Variants in MMP19 observed in about 807,000 individuals in gnomAD.
MMP19 encodes matrix metallopeptidase 19.
Under a neutral mutation model 46.6 loss-of-function variants are expected in MMP19, and 47 were observed. That is an observed-to-expected ratio of 1.01 (90% CI 0.80 to 1.29). MMP19 has a LOEUF of 1.29. MMP19 is among the 50% of genes most tolerant of loss of function. The pLI, the probability that MMP19 is intolerant of heterozygous loss-of-function variation, is 0.00. For missense variants in MMP19, 589 were observed against 643.5 expected (o/e 0.92, Z 0.92); for synonymous variants, 222 against 248.5 (o/e 0.89, Z 1.00).
intron 8 of MMP19, 39 bp from the exon 9 acceptor site, chr12:55,837,413 G>A (rs71459315): frequency 8.9e-6 from 14 of 1,579,826 alleles, no homozygotes; most frequent in Non-Finnish European, 1.2e-5. Context: ...AGAGGAAGAG[G>A]AGAGAGCTTA....
chr12:55,841,234 G>T lies in MMP19; in HGVS notation c.176C>A (p.Ala59Asp). 6.2e-7 allele frequency: 1 copy of T among 1,612,406 alleles called. No homozygotes were observed. The highest frequency in any genetic ancestry group is 2.2e-5 in the East Asian group (1 of 44,860). ...TGGAAGTTCAGATGCTTCCTGAAAA[G>T]CTCTGAAGGAGGGAGAGGGATGGGT... ...KPEDITEALR[A>D]FQEASELPVS... The change falls in exon 3 of 9, where the codon GCT becomes GAT. Residue 59 changes from alanine (A) to aspartate (D), a missense_variant and splice_region_variant. Ala to Asp is a moderately radical substitution (Grantham distance 126). Coordinates refer to ENST00000322569, the MANE Select transcript of MMP19 (RefSeq NM_002429.6).
At position 55,836,575 on chromosome 12, in the gene MMP19, TA is replaced by T. The variant is rs1881226041; in HGVS notation, c.*460del. ...TGGGGAATCTGAGATTCAACAAGGT[TA>T]ATTAGCTTGCCCGTAATCATAAGCA... On this transcript the variant is annotated 3_prime_UTR_variant, in exon 9 of 9. Coordinates refer to ENST00000322569, the MANE Select transcript of MMP19 (RefSeq NM_002429.6). 1 of 154,546 alleles carries T rather than the reference TA, an allele frequency of 6.5e-6. No homozygotes were observed. The allele number at this position is 154,546 out of a possible 1,614,324, so 9.6% of individuals were successfully genotyped here. A position where few individuals can be genotyped will look rare whatever the true frequency, so the allele number is the denominator to read the frequency against.
In MMP19 at chr12:55,841,220, A is replaced by G; in HGVS notation, c.190T>C (p.Ser64Pro). ...TEALRAFQEASELPVSGQLDD... is the reference protein window; with the variant it reads ...TEALRAFQEAPELPVSGQLDD... Reference sequence around the variant, plus strand: ...AGCTGACCTGAGACTGGAAGTTCAGATGCTTCCTGAAAAGCTCTGAAGGAG... The same window carrying G: ...AGCTGACCTGAGACTGGAAGTTCAGGTGCTTCCTGAAAAGCTCTGAAGGAG... The change falls in exon 3 of 9, where the codon TCT becomes CCT. Residue 64 changes from serine (S) to proline (P), a missense_variant. Ser to Pro is a moderately conservative substitution (Grantham distance 74, BLOSUM62 -1). Coordinates refer to ENST00000322569, the MANE Select transcript of MMP19 (RefSeq NM_002429.6). The G allele has an allele frequency of 6.2e-7, 1 of 1,613,344 alleles. No individual in the cohort carries two copies. The highest frequency in any genetic ancestry group is 1.1e-5 in the South Asian group (1 of 91,078).
chr12:55,837,482 C>A, intron 8 of MMP19, 73 bp downstream of exon 8: 26 of 1,599,502 alleles, frequency 1.6e-5, no homozygotes, highest in Non-Finnish European at 2.1e-5. Flanking sequence ...CCTTCAAGCG[C>A]AAGCTTTGCT....
intron 4 of MMP19, chr12:55,840,073 C>T (rs1452239616): frequency 2.6e-5 from 7 of 269,480 alleles, no homozygotes; most frequent in African/African-American, 1.3e-4. Flanking sequence ...CACCTGTAAT[C>T]CCAACACTTT....
intron 6 of MMP19, 33 bp downstream of exon 6, chr12:55,838,573 G>A (rs376880823): frequency 1.1e-4 from 173 of 1,614,008 alleles, no homozygotes; most frequent in Non-Finnish European, 1.2e-4. Context: ...TGCCCCCACC[G>A]CCTGCCAACA....
Position 55,837,118 on chromosome 12 carries a change from G to T in MMP19, c.1445C>A (p.Ser482Ter). 1 of 1,613,666 alleles carries T rather than the reference G, an allele frequency of 6.2e-7. No individual in the cohort carries two copies. Among genetic ancestry groups the T allele is most frequent in the Non-Finnish European group, 8.5e-7 (1 of 1,179,726 alleles). ...ACCTGAGGGAGTGGTATTCCCACCT[G>T]ATGGGGTAGTGTCTATAGTCCGGGG... ...CRPRTIDTTP[S>*]GGNTTPSGTG... The change falls in exon 9 of 9, where the codon TCA becomes TAA. Residue 482 changes from serine to a stop codon, truncating the protein, a stop_gained. Transcript: ENST00000322569. LOFTEE classifies it low-confidence loss of function (END_TRUNC).
chr12:55,837,593 G>C lies in MMP19; in HGVS notation c.1150C>G (p.Leu384Val). ...NRVEPNLDAA[L>V]YWPLNQKVFL... ...ACCTTTTGGTTGAGAGGCCAATAGA[G>C]AGCTGCATCCAGGTTAGGTTCTACC... The change falls in exon 8 of 9, where the codon CTC becomes GTC. Residue 384 changes from leucine (L) to valine (V), a missense_variant. Coordinates refer to ENST00000322569, the MANE Select transcript of MMP19 (RefSeq NM_002429.6). 5 of 1,614,198 alleles carry C rather than the reference G, an allele frequency of 3.1e-6. No homozygotes were observed. Among genetic ancestry groups the C allele is most frequent in the Non-Finnish European group, 4.2e-6 (5 of 1,180,048 alleles).
At chr12:55,839,775 C>T in intron 4 of MMP19, 34 bp from the exon 5 acceptor site, 1 of 1,589,060 alleles carries the variant, frequency 6.3e-7, no homozygotes, top group Non-Finnish European at 8.6e-7. Context: ...GGAAGGAGGT[C>T]AGAGCCCGCT....
rs1881247283 is a variant in MMP19 at position 55,836,856 on chromosome 12, T to G, written c.*180A>C. 3.8e-6 allele frequency: 2 copies of G among 529,602 alleles called. No homozygotes were observed. The highest frequency in any genetic ancestry group is 1.9e-5 in the African/African-American group (1 of 51,706). The allele number at this position is 529,602 out of a possible 1,614,324, so 32.8% of individuals were successfully genotyped here. ...ATGCACAGGAAAGTGGTGGCTGGAG[T>G]TGGAAGTGTTAGAGGCCTGAGATCT... is the stretch of plus-strand genomic sequence containing the variant. On this transcript the variant is annotated 3_prime_UTR_variant, in exon 9 of 9. Coordinates refer to ENST00000322569, the MANE Select transcript of MMP19 (RefSeq NM_002429.6).
intron 5 of MMP19, 41 bp from the exon 6 acceptor site, chr12:55,838,775 G>A (rs1881456758): frequency 6.7e-7 from 1 of 1,495,732 alleles, no homozygotes; most frequent in Non-Finnish European, 9.0e-7. Context: ...AGAACTCACA[G>A]CACCTGTCCT....
chr12:55,837,639 G>GATT lies in MMP19; in HGVS notation c.1103_1104insAAT (p.Gly368_Phe369insIle). 1 of 1,614,204 alleles carries GATT rather than the reference G, an allele frequency of 6.2e-7. No individual in the cohort carries two copies. Among genetic ancestry groups the GATT allele is most frequent in the Non-Finnish European group, 8.5e-7 (1 of 1,180,046 alleles). On this transcript the variant is annotated inframe_insertion, in exon 8 of 9. Coordinates refer to ENST00000322569, the MANE Select transcript of MMP19 (RefSeq NM_002429.6). ...CTACCCTATTCAGCTTCTTGGGGAA[G>GATT]CCAGGAGACATCTTGAAATTAATGT...
Position 55,836,028 on chromosome 12 carries a change from G to T in MMP19, c.*1008C>A, listed in dbSNP as rs1337139658. 1 of 152,262 alleles carries T rather than the reference G, an allele frequency of 6.6e-6. No homozygotes were observed. The highest frequency in any genetic ancestry group is 2.4e-5 in the African/African-American group (1 of 41,456). The allele number at this position is 152,262 out of a possible 1,614,324, so 9.4% of individuals were successfully genotyped here. A position where few individuals can be genotyped will look rare whatever the true frequency, so the allele number is the denominator to read the frequency against. ...TGCATAGGATGCAAGTGCCTTCTCT[G>T]CTTCTCACCGTGGGTGGCACTAATT... On this transcript the variant is annotated 3_prime_UTR_variant, in exon 9 of 9. Coordinates refer to ENST00000322569, the MANE Select transcript of MMP19 (RefSeq NM_002429.6).
Position 55,837,019 on chromosome 12 carries a change from TGTCTGTGGGTGAGCAGTCAGTATTCAAAC to T in MMP19, c.1515_*16del. The T allele has an allele frequency of 6.5e-7, 1 of 1,539,688 alleles. No individual in the cohort carries two copies. The highest frequency in any genetic ancestry group is 8.8e-7 in the Non-Finnish European group (1 of 1,139,778). On this transcript the variant is annotated stop_lost and 3_prime_UTR_variant, in exon 9 of 9. Coordinates refer to ENST00000322569, the MANE Select transcript of MMP19 (RefSeq NM_002429.6). The stretch of plus-strand genomic sequence containing the variant: ...CCTCAGGGGTTAATGTCCAAGATTG[TGTCTGTGGGTGAGCAGTCAGTATTCAAAC>T]GTGGTTTCTGTGGCTGAGAGAGTGG...
intron 8 of MMP19, 77 bp from the exon 9 acceptor site, chr12:55,837,451 A>G: frequency 6.3e-7 from 1 of 1,582,350 alleles, no homozygotes; most frequent in Non-Finnish European, 8.6e-7. Context: ...CCCCCAGCCC[A>G]CTGCAGCTGC....
At position 55,837,318 on chromosome 12, in the gene MMP19, G is replaced by A. The variant is rs1351493107; in HGVS notation, c.1245C>T (p.Pro415=). ...CCGTAAACAAACCCTTGATTGGTTT[G>A]GGGTAGCTGCTGAAGTCAGTTCGGG... ...ELARTDFSSY[P]KPIKGLFTGV... is the part of the protein sequence containing the mutation. The change falls in exon 9 of 9, where the codon CCC becomes CCT. Residue 415 remains proline, a synonymous_variant. Transcript: ENST00000322569. 6.2e-7 allele frequency: 1 copy of A among 1,612,486 alleles called. No individual in the cohort carries two copies. The highest frequency in any genetic ancestry group is 1.3e-5 in the African/African-American group (1 of 74,876).
In MMP19 at chr12:55,836,972, A is replaced by T; in HGVS notation, c.*64T>A. On this transcript the variant is annotated 3_prime_UTR_variant, in exon 9 of 9. Coordinates refer to ENST00000322569, the MANE Select transcript of MMP19 (RefSeq NM_002429.6). ...TTAGGCCTTAGGCTTCTGGGGGGGA[A>T]ATGAAAGGGTGGGTGGTGGAGCCTC... 2 of 1,401,610 alleles carry T rather than the reference A, an allele frequency of 1.4e-6. No homozygotes were observed. Among genetic ancestry groups the T allele is most frequent in the Non-Finnish European group, 9.7e-7 (1 of 1,033,450 alleles). The allele number at this position is 1,401,610 out of a possible 1,614,324, so 86.8% of individuals were successfully genotyped here.
At position 55,836,930 on chromosome 12, in the gene MMP19, G is replaced by A. The variant is rs1223509800; in HGVS notation, c.*106C>T. ...CCTGCAAGGTTCTACTGAGCAGACAGGTATTTCATTCAGCTATTAGGCCTT... is the reference window on the plus strand; with the variant it reads ...CCTGCAAGGTTCTACTGAGCAGACAAGTATTTCATTCAGCTATTAGGCCTT... On this transcript the variant is annotated 3_prime_UTR_variant, in exon 9 of 9. Transcript: ENST00000322569. 14 of 1,052,652 alleles carry A rather than the reference G, an allele frequency of 1.3e-5. No homozygotes were observed. Among genetic ancestry groups the A allele is most frequent in the Non-Finnish European group, 1.9e-5 (14 of 725,298 alleles). The allele number at this position is 1,052,652 out of a possible 1,614,324, so 65.2% of individuals were successfully genotyped here. A position where few individuals can be genotyped will look rare whatever the true frequency, so the allele number is the denominator to read the frequency against.
At chr12:55,837,401 G>T (rs1425721934) in intron 8 of MMP19, 27 bp from the exon 9 acceptor site, 2 of 1,584,524 alleles carry the variant, frequency 1.3e-6, no homozygotes, top group Admixed American at 1.7e-5. Flanking sequence ...TGGGGAGAGG[G>T]GAGAGGAAGA....
Sources: allele counts gnomAD v4.1 joint callset, GRCh38; gene constraint gnomAD v4.1.1; transcripts MANE v1.5; gene names NCBI Gene and HGNC (gene_info 2026-07-23, HGNC 2026-07-21).